Variants in PRKAR1B observed in about 807,000 individuals in gnomAD.
PRKAR1B encodes cAMP-dependent protein kinase type I-beta regulatory subunit.
A neutral mutation model predicts 46.5 loss-of-function variants in PRKAR1B; 22 were observed. That is an observed-to-expected ratio of 0.47 (90% CI 0.34 to 0.68). PRKAR1B has a LOEUF of 0.68. Ranked by LOEUF, PRKAR1B falls within the 30% of genes least tolerant of loss-of-function variation. The pLI is 0.01. For missense variants in PRKAR1B, 445 were observed against 535.6 expected (o/e 0.83, Z 1.67); for synonymous variants, 259 against 217.7 (o/e 1.19, Z -1.67).
rs1195024539 is a variant in PRKAR1B at position 636,347 on chromosome 7, CACACG to C, written c.441-28900_441-28896del. 1.8e-3 allele frequency among the ~76,000 whole-genome samples: 35 copies of C among 19,316 alleles called. 2 individuals are homozygous for C. Among genetic ancestry groups the C allele is most frequent in the South Asian group, 4.3e-3 (3 of 702 alleles). The allele number at this position is 19,316 out of a possible 152,430, so 12.7% of individuals were successfully genotyped here. ...CCACACGTCCTCCACCGGCCGCGCCCACACGTCCTCCACCGGCCGCGCCCACACGT... is the reference window on the plus strand; with the variant it reads ...CCACACGTCCTCCACCGGCCGCGCCCTCCTCCACCGGCCGCGCCCACACGT... On this transcript the variant is annotated intron_variant, in intron 4 of 10. Coordinates refer to ENST00000537384, the MANE Select transcript of PRKAR1B (RefSeq NM_001164760.2).
chr7:727,019 T>G, intron 1 of PRKAR1B, 191 bp downstream of exon 1: 1 of 1,211,956 alleles, frequency 8.3e-7, no homozygotes, highest in Non-Finnish European at 1.0e-6. Flanking sequence ...GTGCACCTGC[T>G]GGATCTGGGC....
At chr7:678,659 T>C (rs1350679441) in intron 3 of PRKAR1B, among the ~76,000 whole-genome samples, 1 of 152,258 alleles carries the variant, frequency 6.6e-6, no homozygotes, top group East Asian at 1.9e-4. Flanking sequence ...AGTCCCTGTC[T>C]GTCCAGGTGC....
chr7:659,967 G>A (rs1785418972), intron 4 of PRKAR1B, among the ~76,000 whole-genome samples: 1 of 152,062 alleles, frequency 6.6e-6, no homozygotes, highest in Admixed American at 6.5e-5. Flanking sequence ...TCCCCAGTGA[G>A]CAGAAAATGT....
intron 6 of PRKAR1B, among the ~76,000 whole-genome samples, chr7:598,036 C>T (rs1781365674): frequency 6.6e-6 from 1 of 152,174 alleles, no homozygotes; most frequent in African/African-American, 2.4e-5. Context: ...GTGACGGACT[C>T]CAGGGTCCAC....
At chr7:625,113 T>C (rs141995110) in intron 4 of PRKAR1B, among the ~76,000 whole-genome samples, 3,268 of 152,206 alleles carry the variant, frequency 0.021, 135 homozygotes, top group African/African-American at 0.075. Context: ...GAAAGATAGA[T>C]AGGAAATCCC....
intron 8 of PRKAR1B, among the ~76,000 whole-genome samples, chr7:583,748 G>A (rs1441574499): frequency 6.7e-6 from 1 of 149,442 alleles, no homozygotes; most frequent in African/African-American, 2.5e-5. Flanking sequence ...ACACACCCAT[G>A]CATGTGCACT....
intron 5 of PRKAR1B, 68 bp downstream of exon 5, chr7:607,323 T>TA (rs1213062015): frequency 6.8e-7 from 1 of 1,468,200 alleles, no homozygotes; most frequent in Non-Finnish European, 9.5e-7. Flanking sequence ...CTTATGCTAT[T>TA]TTTTTTTTAA....
intron 1 of PRKAR1B, among the ~76,000 whole-genome samples, chr7:723,566 G>A (rs974713707): frequency 2.6e-5 from 4 of 152,194 alleles, no homozygotes; most frequent in Non-Finnish European, 5.9e-5. Context: ...AAGGAAAAGT[G>A]AAGTCCCACC....
At chr7:687,362 G>A (rs970672748) in intron 2 of PRKAR1B, among the ~76,000 whole-genome samples, 18 of 151,920 alleles carry the variant, frequency 1.2e-4, no homozygotes, top group African/African-American at 4.1e-4. Context: ...ACACTGGCAC[G>A]AAACTAAGAA....
chr7:622,225 G>A (rs552490173), intron 4 of PRKAR1B, among the ~76,000 whole-genome samples: 1 of 152,332 alleles, frequency 6.6e-6, no homozygotes, highest in East Asian at 1.9e-4. Flanking sequence ...GGCACCCACA[G>A]CCCCTCAAAG....
intron 8 of PRKAR1B, among the ~76,000 whole-genome samples, chr7:580,760 A>AC (rs1466773515): frequency 2.7e-5 from 4 of 148,958 alleles, no homozygotes; most frequent in Non-Finnish European, 3.0e-5. Context: ...AAAAAAAAAA[A>AC]AAACAAACGT....
intron 9 of PRKAR1B, among the ~76,000 whole-genome samples, chr7:563,773 ATGTC>A (rs1778961859): frequency 6.6e-6 from 1 of 150,604 alleles, no homozygotes; most frequent in African/African-American, 2.5e-5. Flanking sequence ...GTGTGCATGC[ATGTC>A]TGTATGTACA....
chr7:614,867 G>A (rs1411315027), intron 4 of PRKAR1B, among the ~76,000 whole-genome samples: 5 of 151,712 alleles, frequency 3.3e-5, no homozygotes, highest in South Asian at 2.1e-4. Flanking sequence ...AGCTGAGATC[G>A]CACCACTGCA....
intron 1 of PRKAR1B, among the ~76,000 whole-genome samples, chr7:717,449 G>A (rs1483326786): frequency 6.6e-6 from 1 of 152,042 alleles, no homozygotes; most frequent in Non-Finnish European, 1.5e-5. Context: ...TTGAGTCCAG[G>A]AGTTCAAGAC....
chr7:557,944 G>A (rs1249322728), intron 9 of PRKAR1B, among the ~76,000 whole-genome samples: 3 of 152,178 alleles, frequency 2.0e-5, no homozygotes, highest in Admixed American at 6.5e-5. Context: ...AGAACGTCCT[G>A]CCCTGGCCGT....
At position 714,988 on chromosome 7, in the gene PRKAR1B, C is replaced by G. The variant is rs1294119164; in HGVS notation, c.-22-3461G>C. Among the ~76,000 whole-genome samples the G allele has an allele frequency of 6.6e-6, 1 of 152,106 alleles. No homozygotes were observed. The highest frequency in any genetic ancestry group is 1.5e-5 in the Non-Finnish European group (1 of 68,030). On this transcript the variant is annotated intron_variant, in intron 1 of 10. Coordinates refer to ENST00000537384, the MANE Select transcript of PRKAR1B (RefSeq NM_001164760.2). The surrounding 1 kb of genome is among the most constrained non-coding windows in gnomAD (Gnocchi z 4.3). The stretch of plus-strand genomic sequence containing the variant: ...GTCACTGGAGGTCAGGAGTTCAAGA[C>G]CAGCCTGGGCAACATAGCGAAACCC...
chr7:574,010 C>T (rs141911808), intron 9 of PRKAR1B, among the ~76,000 whole-genome samples: 12,559 of 152,290 alleles, frequency 0.082, 612 homozygotes, highest in Non-Finnish European at 0.11. Flanking sequence ...ACACGCCGCG[C>T]GACTCGGTGA....
At position 667,825 on chromosome 7, in the gene PRKAR1B, C is replaced by T. The variant is rs2128499500; in HGVS notation, c.440+9404G>A. ...CCTCTCACAGATCCTGTGCAAAGGC[C>T]CAGGGAAACCCTTCGATCAAGGCCA... On this transcript the variant is annotated intron_variant, in intron 4 of 10. Coordinates refer to ENST00000537384, the MANE Select transcript of PRKAR1B (RefSeq NM_001164760.2). The surrounding 1 kb of genome is among the most constrained non-coding windows in gnomAD (Gnocchi z 4.3). Among the ~76,000 whole-genome samples the T allele has an allele frequency of 6.6e-6, 1 of 152,196 alleles. No homozygotes were observed.
At chr7:606,295 C>G in intron 5 of PRKAR1B, 56 bp from the exon 6 acceptor site, 1 of 1,567,760 alleles carries the variant, frequency 6.4e-7, no homozygotes, top group South Asian at 1.1e-5. Flanking sequence ...ATACAAGTTA[C>G]AGTTTCTCTT....
Sources: allele counts gnomAD v4.1 joint callset (sites outside exome capture counted in the v4.1 genomes callset), GRCh38; gene constraint gnomAD v4.1.1; non-coding constraint Gnocchi (gnomAD v3.1); transcripts MANE v1.5; gene names NCBI Gene and HGNC (gene_info 2026-07-23, HGNC 2026-07-21).